Variants in MALRD1 observed in about 807,000 individuals in gnomAD.
The protein encoded by MALRD1 is MAM and LDL receptor class A domain containing 1, also known as MAM and LDL-receptor class A domain-containing protein 1.
Under a neutral mutation model 242.1 loss-of-function variants are expected in MALRD1, and 247 were observed. The observed-to-expected ratio is 1.02, with a 90% confidence interval of 0.92 to 1.13. The LOEUF (loss-of-function observed/expected upper bound fraction) is 1.13. Among genes scored for constraint, MALRD1 ranks in the 50% most tolerant of loss-of-function variants. The pLI, the probability that MALRD1 is intolerant of heterozygous loss-of-function variation, is 0.00. For missense variants in MALRD1, 2,989 were observed against 2,533.1 expected, an observed-to-expected ratio of 1.18 and a Z score of -3.86; for synonymous variants, 995 against 866.6, an observed-to-expected ratio of 1.15 and a Z score of -2.60.
chr10:19,603,207 A>G (rs914869620), intron 34 of MALRD1, among the ~76,000 whole-genome samples: 4 of 152,066 alleles, frequency 2.6e-5, no homozygotes, highest in African/African-American at 7.2e-5. Context: ...ATTAGATCTC[A>G]TTTGTCAATT....
chr10:19,161,053 C>G (rs980490269), intron 12 of MALRD1, among the ~76,000 whole-genome samples: 2 of 148,986 alleles, frequency 1.3e-5, no homozygotes, highest in African/African-American at 4.9e-5. Flanking sequence ...CACATGCACA[C>G]GTATGTTTAT....
At chr10:19,495,489 T>A (rs940521559) in intron 30 of MALRD1, among the ~76,000 whole-genome samples, 2 of 150,658 alleles carry the variant, frequency 1.3e-5, no homozygotes, top group African/African-American at 4.9e-5. Flanking sequence ...GAATTTCACA[T>A]ACAGGCAAAC....
intron 26 of MALRD1, among the ~76,000 whole-genome samples, chr10:19,378,286 T>A (rs1186388673): frequency 3.3e-5 from 5 of 152,284 alleles, no homozygotes; most frequent in Admixed American, 3.3e-4. Flanking sequence ...CCACTGTAAT[T>A]TATCACATGC....
chr10:19,362,342 G>C (rs1361078772), intron 26 of MALRD1, among the ~76,000 whole-genome samples: 2 of 152,000 alleles, frequency 1.3e-5, no homozygotes, highest in Admixed American at 1.3e-4. Flanking sequence ...GTATTATTTT[G>C]TGCCATGTAT....
chr10:19,365,659 T>A (rs1452859767), intron 26 of MALRD1, among the ~76,000 whole-genome samples: 19 of 122,902 alleles, frequency 1.5e-4, no homozygotes, highest in Middle Eastern at 4.2e-3. Context: ...TTATAAATTC[T>A]AAAAAAAAAA....
chr10:19,479,354 C>T (rs942974624), intron 29 of MALRD1, among the ~76,000 whole-genome samples: 5 of 152,076 alleles, frequency 3.3e-5, no homozygotes, highest in African/African-American at 4.8e-5. Context: ...GATAATTCTT[C>T]GTGGAAGGAA....
intron 2 of MALRD1, among the ~76,000 whole-genome samples, chr10:19,083,680 A>G (rs1330401992): frequency 3.3e-5 from 5 of 152,034 alleles, no homozygotes; most frequent in African/African-American, 1.2e-4. Flanking sequence ...AAAAAGGTCT[A>G]GCACCATTTT....
intron 33 of MALRD1, among the ~76,000 whole-genome samples, chr10:19,590,174 CAT>C (rs755389075): frequency 2.6e-4 from 39 of 151,554 alleles, no homozygotes; most frequent in Non-Finnish European, 5.0e-4. Context: ...GAAATTAGAA[CAT>C]AGAAATTTTA....
At chr10:19,517,994 A>G (rs1360172137) in intron 31 of MALRD1, among the ~76,000 whole-genome samples, 3 of 152,228 alleles carry the variant, frequency 2.0e-5, no homozygotes, top group Non-Finnish European at 4.4e-5. Flanking sequence ...GAAAAGGTTC[A>G]GAGAGCTCTG....
At chr10:19,687,891 T>C (rs1456225640) in intron 36 of MALRD1, among the ~76,000 whole-genome samples, 2 of 151,980 alleles carry the variant, frequency 1.3e-5, no homozygotes, top group East Asian at 1.9e-4. Context: ...ACACCTTAAT[T>C]ATTATTATTT....
rs1165289497 is a variant in MALRD1 at position 19,171,445 on chromosome 10, TATATATATATATAC to T, written c.1831-3761_1831-3748del. Among the ~76,000 whole-genome samples the T allele has an allele frequency of 1.0e-3, 120 of 118,208 alleles. 6 individuals carry two copies. Among genetic ancestry groups the T allele is most frequent in the East Asian group, 7.4e-3 (29 of 3,936 alleles). 77.5% of individuals were successfully genotyped at this position (118,208 alleles called of 152,430 possible). A position where few individuals can be genotyped will look rare whatever the true frequency, so the allele number is the denominator to read the frequency against. On this transcript the variant is annotated intron_variant, in intron 13 of 39. Coordinates refer to ENST00000454679, the MANE Select transcript of MALRD1 (RefSeq NM_001142308.3). ...TTTTATATACATATATATATATATA[TATATATATATATAC>T]ACACATGTATATACACACACACATA...
chr10:19,426,245 T>A (rs536069290), intron 28 of MALRD1, among the ~76,000 whole-genome samples: 1 of 152,276 alleles, frequency 6.6e-6, no homozygotes. Flanking sequence ...GGGTACTTAG[T>A]GGTTAAAACA....
At chr10:19,439,611 A>G (rs936717027) in intron 28 of MALRD1, among the ~76,000 whole-genome samples, 21 of 152,188 alleles carry the variant, frequency 1.4e-4, no homozygotes, top group African/African-American at 4.8e-5. Flanking sequence ...TTAAAAGTCA[A>G]AGTATTTAGA....
chr10:19,051,080 TG>T (rs1176766253), intron 1 of MALRD1, among the ~76,000 whole-genome samples: 4 of 152,224 alleles, frequency 2.6e-5, no homozygotes, highest in Non-Finnish European at 5.9e-5. Flanking sequence ...GTTTCCACTT[TG>T]GCATTTTATT....
chr10:19,515,107 C>T (rs978892802), intron 31 of MALRD1, among the ~76,000 whole-genome samples: 1 of 151,672 alleles, frequency 6.6e-6, no homozygotes, highest in Non-Finnish European at 1.5e-5. Context: ...TTTTACTTAA[C>T]AAACAACAAA....
chr10:19,424,065 A>C (rs1429464539), intron 28 of MALRD1, among the ~76,000 whole-genome samples: 1 of 152,204 alleles, frequency 6.6e-6, no homozygotes, highest in African/African-American at 2.4e-5. Flanking sequence ...TTTGAGTATC[A>C]GTTTAATGAA....
intron 28 of MALRD1, among the ~76,000 whole-genome samples, chr10:19,406,994 C>T (rs1199462886): frequency 1.3e-5 from 2 of 152,140 alleles, no homozygotes; most frequent in African/African-American, 2.4e-5. Context: ...AACACATGTG[C>T]TGCTTCCTGT....
intron 28 of MALRD1, among the ~76,000 whole-genome samples, chr10:19,406,730 T>C (rs1847128612): frequency 6.6e-6 from 1 of 152,082 alleles, no homozygotes; most frequent in African/African-American, 2.4e-5. Context: ...AATAAATAAA[T>C]AACATTCTGC....
chr10:19,209,758 CTAAT>C, intron 18 of MALRD1, 78 bp downstream of exon 18: 1 of 1,344,156 alleles, frequency 7.4e-7, no homozygotes, highest in Non-Finnish European at 9.9e-7. Context: ...GCTGTATTCT[CTAAT>C]TAAAAGCAAG....
Sources: gnomAD v4.1 joint callset for allele counts (sites outside exome capture counted in the v4.1 genomes callset) on GRCh38, gnomAD v4.1.1 for gene constraint, MANE v1.5 for transcripts, NCBI Gene and HGNC (gene_info 2026-07-23, HGNC 2026-07-21) for gene names.